CRTAM: variants seen among roughly 807,000 people sequenced by gnomAD.
The protein encoded by CRTAM is cytotoxic and regulatory T-cell molecule.
A neutral mutation model predicts 50.0 loss-of-function variants in CRTAM; 44 were observed. The ratio of observed to expected loss-of-function variants is 0.88; its 90% CI spans 0.69 to 1.13. The LOEUF (loss-of-function observed/expected upper bound fraction) is 1.13, where lower values mean the gene tolerates loss of function less well. CRTAM is among the 50% of genes most tolerant of loss of function. CRTAM has a pLI of 0.00. For missense variants in CRTAM, 448 were observed against 457.5 expected (o/e 0.98, Z 0.19); for synonymous variants, 159 against 169.3 (o/e 0.94, Z 0.47).
chr11:122,838,987 G>A (rs992447832), intron 1 of CRTAM, among the ~76,000 whole-genome samples: 14 of 152,042 alleles, frequency 9.2e-5, no homozygotes, highest in African/African-American at 2.7e-4. Flanking sequence ...GGAGTGCAGC[G>A]GCACGACCTC....
At position 122,855,783 on chromosome 11, in the gene CRTAM, G is replaced by A. The variant is rs35561350; in HGVS notation, c.579G>A (p.Thr193=). Reference sequence around the variant, plus strand: ...TCCACACTTATGGCAAAAATTCAACGGTGGACTGCATTATCCGACACAGAG... The same window carrying A: ...TCCACACTTATGGCAAAAATTCAACAGTGGACTGCATTATCCGACACAGAG... ...LIIHTYGKNS[T]VDCIIRHRGL... is the part of the protein sequence containing the mutation. Residue 193 remains threonine, a synonymous_variant, in exon 5 of 10, where the codon ACG becomes ACA. Transcript: ENST00000227348. The A allele has an allele frequency of 3.6e-3, 5,809 of 1,613,914 alleles. 181 individuals carry two copies. In the African/African-American group the frequency reaches 0.067, roughly 19 times the overall value.
chr11:122,861,486 A>T (rs1202435285), intron 5 of CRTAM, among the ~76,000 whole-genome samples: 2 of 121,864 alleles, frequency 1.6e-5, no homozygotes, highest in Non-Finnish European at 3.2e-5. Flanking sequence ...CCCAGGCTTG[A>T]GTGCAGTGGT....
intron 5 of CRTAM, 44 bp downstream of exon 5, chr11:122,855,900 T>C (rs1862000660): frequency 6.6e-7 from 1 of 1,518,570 alleles, no homozygotes; most frequent in Non-Finnish European, 9.1e-7. Flanking sequence ...TTGATTTACT[T>C]TAATATTACA....
At chr11:122,855,522 A>T (rs1362896289) in intron 4 of CRTAM, among the ~76,000 whole-genome samples, 173 bp from the exon 5 acceptor site, 1 of 152,106 alleles carries the variant, frequency 6.6e-6, no homozygotes, top group East Asian at 1.9e-4. Context: ...ATCTACTCTC[A>T]TTCATCTGTT....
Position 122,871,765 on chromosome 11 carries a change from T to C in CRTAM, c.*366T>C, listed in dbSNP as rs1862258007. 6.5e-6 allele frequency: 1 copy of C among 154,180 alleles called. No individual in the cohort carries two copies. Among genetic ancestry groups the C allele is most frequent in the Non-Finnish European group, 1.4e-5 (1 of 69,350 alleles). The allele number at this position is 154,180 out of a possible 1,614,324, so 9.6% of individuals were successfully genotyped here. A position where few individuals can be genotyped will look rare whatever the true frequency, so the allele number is the denominator to read the frequency against. On this transcript the variant is annotated 3_prime_UTR_variant, in exon 10 of 10. Transcript: ENST00000227348. ...ATGGAACTGTTTAAAAAATTTTTTT[T>C]TCTTTTTAATATTTTCTTCTGGTCA...
chr11:122,846,620 CTCTG>C (rs68036211), intron 1 of CRTAM, among the ~76,000 whole-genome samples: 19,166 of 151,946 alleles, frequency 0.13, 1,367 homozygotes, highest in African/African-American at 0.19. Context: ...GTTCTAACAC[CTCTG>C]TCTGTCTGTC....
chr11:122,839,029 C>A (rs908475707), intron 1 of CRTAM, among the ~76,000 whole-genome samples: 1 of 152,108 alleles, frequency 6.6e-6, no homozygotes, highest in Middle Eastern at 3.2e-3. Flanking sequence ...CCCGGGTTCA[C>A]GCCTTTCTCC....
At chr11:122,857,642 A>T (rs1862023767) in intron 5 of CRTAM, among the ~76,000 whole-genome samples, 4 of 152,186 alleles carry the variant, frequency 2.6e-5, no homozygotes, top group Admixed American at 2.6e-4. Flanking sequence ...TGACATATAG[A>T]TGTTACAAAC....
chr11:122,868,812 T>C (rs1185269100), intron 9 of CRTAM, among the ~76,000 whole-genome samples: 18 of 152,060 alleles, frequency 1.2e-4, no homozygotes, highest in Admixed American at 1.2e-3. Flanking sequence ...ATCGAGACCA[T>C]CCTGGCTAAC....
At chr11:122,869,380 G>C (rs1862223952) in intron 9 of CRTAM, among the ~76,000 whole-genome samples, 1 of 152,196 alleles carries the variant, frequency 6.6e-6, no homozygotes, top group African/African-American at 2.4e-5. Context: ...TGATAAATTT[G>C]TGTTAAATGA....
At chr11:122,865,420 T>C (rs1189858633) in intron 7 of CRTAM, among the ~76,000 whole-genome samples, 2 of 151,976 alleles carry the variant, frequency 1.3e-5, no homozygotes, top group African/African-American at 4.8e-5. Context: ...CTTTTTTTTT[T>C]CTGGTTTTGT....
Position 122,854,011 on chromosome 11 carries a change from C to T in CRTAM, c.415C>T (p.Leu139Phe). Reference sequence around the variant, plus strand: ...GCAAAATGGAGAAGAACATGTTGTACTCATGTGCTCCACCATGAGAAGCAA... The same window carrying T: ...GCAAAATGGAGAAGAACATGTTGTATTCATGTGCTCCACCATGAGAAGCAA... ...RKQNGEEHVV[L>F]MCSTMRSKPP... The change falls in exon 4 of 10, where the codon CTC becomes TTC. Residue 139 changes from leucine (L) to phenylalanine (F), a missense_variant. By Grantham distance (22) the Leu-to-Phe change is conservative (BLOSUM62 0). Coordinates refer to ENST00000227348, the MANE Select transcript of CRTAM (RefSeq NM_019604.4). The T allele has an allele frequency of 6.8e-6, 11 of 1,614,074 alleles. No homozygotes were observed. The highest frequency in any genetic ancestry group is 9.3e-6 in the Non-Finnish European group (11 of 1,179,954).
intron 3 of CRTAM, among the ~76,000 whole-genome samples, chr11:122,853,192 C>T (rs1017877593): frequency 8.6e-5 from 13 of 151,692 alleles, no homozygotes; most frequent in African/African-American, 2.7e-4. Context: ...CTCAGCCTCC[C>T]GAGTAGCTGG....
chr11:122,846,722 A>G (rs758475014), intron 1 of CRTAM, among the ~76,000 whole-genome samples: 68 of 152,172 alleles, frequency 4.5e-4, no homozygotes, highest in Non-Finnish European at 8.5e-4. Flanking sequence ...GTTGGAATCT[A>G]AGGTCCAAAA....
chr11:122,859,803 C>G (rs902037896), intron 5 of CRTAM, among the ~76,000 whole-genome samples: 3 of 152,202 alleles, frequency 2.0e-5, no homozygotes, highest in Non-Finnish European at 4.4e-5. Context: ...CTGTCTTACA[C>G]TTTGCTTAGA....
intron 2 of CRTAM, among the ~76,000 whole-genome samples, chr11:122,851,096 C>T (rs895977021): frequency 2.0e-5 from 3 of 151,690 alleles, no homozygotes; most frequent in African/African-American, 2.4e-5. Flanking sequence ...AACCCTGTGT[C>T]TACTAAAAAT....
At chr11:122,857,266 C>T (rs1445162829) in intron 5 of CRTAM, among the ~76,000 whole-genome samples, 4 of 152,078 alleles carry the variant, frequency 2.6e-5, no homozygotes, top group African/African-American at 9.7e-5. Context: ...GTCAGGAGTT[C>T]GAGACCAGTC....
At chr11:122,855,253 C>A (rs1861990635) in intron 4 of CRTAM, among the ~76,000 whole-genome samples, 1 of 152,122 alleles carries the variant, frequency 6.6e-6, no homozygotes, top group Admixed American at 6.6e-5. Context: ...CTGTAATCAA[C>A]ATTCTTAGAG....
chr11:122,859,749 C>T (rs918094098), intron 5 of CRTAM, among the ~76,000 whole-genome samples: 3 of 152,226 alleles, frequency 2.0e-5, no homozygotes, highest in African/African-American at 7.2e-5. Flanking sequence ...ACTCTGGGCC[C>T]ATGTCAATGA....
Sources: gnomAD v4.1 joint callset for allele counts (sites outside exome capture counted in the v4.1 genomes callset) on GRCh38, gnomAD v4.1.1 for gene constraint, MANE v1.5 for transcripts, NCBI Gene and HGNC (gene_info 2026-07-23, HGNC 2026-07-21) for gene names.